Variants in RALGAPB observed in about 807,000 individuals in gnomAD.
The protein encoded by RALGAPB is Ral GTPase activating protein non-catalytic subunit beta, also known as ral GTPase-activating protein subunit beta.
A neutral mutation model predicts 161.1 loss-of-function variants in RALGAPB; 25 were observed. That is an observed-to-expected ratio of 0.16 (90% CI 0.11 to 0.22). The LOEUF (loss-of-function observed/expected upper bound fraction) is 0.22, where lower values mean the gene tolerates loss of function less well. Among genes scored for constraint, RALGAPB ranks in the 10% least tolerant of loss-of-function variants. The pLI, the probability that RALGAPB is intolerant of heterozygous loss-of-function variation, is 1.00. For missense variants in RALGAPB, 1,391 were observed against 1,815.2 expected (o/e 0.77, Z 4.25); for synonymous variants, 629 against 626.1 (o/e 1.00, Z -0.07).
intron 1 of RALGAPB, among the ~76,000 whole-genome samples, chr20:38,475,372 G>T (rs767301941): frequency 6.6e-6 from 1 of 152,180 alleles, no homozygotes; most frequent in Non-Finnish European, 1.5e-5. Flanking sequence ...ATTGCAGAAT[G>T]CCTGAACTGC....
chr20:38,552,264 C>A (rs968079825), intron 21 of RALGAPB, among the ~76,000 whole-genome samples: 1 of 151,888 alleles, frequency 6.6e-6, no homozygotes. Flanking sequence ...CCTCAGCCTC[C>A]CAAGTAGCTG....
intron 20 of RALGAPB, 100 bp downstream of exon 20, chr20:38,548,895 C>A (rs894257548): frequency 7.5e-5 from 76 of 1,017,872 alleles, no homozygotes; most frequent in Non-Finnish European, 1.1e-4. Flanking sequence ...TATTTTTGAT[C>A]CCTAGCCAGA....
At chr20:38,549,690 T>G (rs1006178816) in intron 20 of RALGAPB, among the ~76,000 whole-genome samples, 3 of 152,020 alleles carry the variant, frequency 2.0e-5, no homozygotes, top group Admixed American at 6.6e-5. Flanking sequence ...ACTTGAGAAG[T>G]TGGAAAAATT....
chr20:38,516,173 C>G lies in RALGAPB; in HGVS notation c.873-19C>G, dbSNP rs769519616. ...GAAATTTCTAAATTTGTGATTAATT[C>G]TTTCCTCTCTTTTAATAGTAATCCT... is the stretch of plus-strand genomic sequence containing the variant. On this transcript the variant is annotated intron_variant, in intron 6 of 29. Transcript: ENST00000262879. The G allele has an allele frequency of 3.3e-6, 5 of 1,530,346 alleles. No homozygotes were observed. Among genetic ancestry groups the G allele is most frequent in the Non-Finnish European group, 4.4e-6 (5 of 1,127,178 alleles). 94.8% of individuals were successfully genotyped at this position (1,530,346 alleles called of 1,614,324 possible).
At chr20:38,532,651 A>G (rs926086907) in intron 14 of RALGAPB, 79 bp from the exon 15 acceptor site, 309 of 1,534,362 alleles carry the variant, frequency 2.0e-4, no homozygotes, top group Non-Finnish European at 2.5e-4. Context: ...CTTTATCAAC[A>G]TGGTTTTTAA....
In RALGAPB at chr20:38,526,038, A is replaced by G. The variant is rs2086455767; in HGVS notation, c.2046A>G (p.Ile682Met). 6.2e-7 allele frequency: 1 copy of G among 1,613,832 alleles called. No individual in the cohort carries two copies. Among genetic ancestry groups the G allele is most frequent in the Non-Finnish European group, 8.5e-7 (1 of 1,179,880 alleles). Reference protein sequence around the residue: ...TETDPNNTQMILGAMLNIVQD... With the variant: ...TETDPNNTQMMLGAMLNIVQD... ...CGGACCCCAACAACACCCAAATGATATTAGGTTTGTATTCACACGTTATTT... is the reference window on the plus strand; with the variant it reads ...CGGACCCCAACAACACCCAAATGATGTTAGGTTTGTATTCACACGTTATTT... Residue 682 changes from isoleucine to methionine, a missense_variant, in exon 13 of 30, where the codon ATA becomes ATG. By Grantham distance (10) the Ile-to-Met change is conservative. This residue lies in a region of RALGAPB where 946 missense variants were observed against 1,257.2 expected (regional missense o/e 0.75). Coordinates refer to ENST00000262879, the MANE Select transcript of RALGAPB (RefSeq NM_020336.4).
intron 29 of RALGAPB, among the ~76,000 whole-genome samples, 164 bp from the exon 30 acceptor site, chr20:38,574,610 G>C (rs1408891461): frequency 6.6e-6 from 1 of 152,144 alleles, no homozygotes; most frequent in Non-Finnish European, 1.5e-5. Flanking sequence ...TGTTTCTTCT[G>C]ACAGTTTTAT....
chr20:38,489,651 A>G (rs568599046), intron 2 of RALGAPB, among the ~76,000 whole-genome samples: 22 of 152,232 alleles, frequency 1.4e-4, no homozygotes, highest in African/African-American at 5.3e-4. Context: ...CCTGTACCCT[A>G]TTTCTCAGAC....
intron 15 of RALGAPB, 60 bp from the exon 16 acceptor site, chr20:38,535,014 G>A (rs897526229): frequency 4.5e-6 from 7 of 1,563,696 alleles, no homozygotes; most frequent in East Asian, 2.2e-5. Flanking sequence ...TGTGCTTCTC[G>A]TTACTAATGC....
At chr20:38,555,854 T>C (rs562990770) in intron 22 of RALGAPB, among the ~76,000 whole-genome samples, 2 of 152,294 alleles carry the variant, frequency 1.3e-5, no homozygotes, top group African/African-American at 4.8e-5. Flanking sequence ...GTTTTACTTA[T>C]GAATGTATGT....
At chr20:38,506,720 C>G (rs192437859) in intron 5 of RALGAPB, among the ~76,000 whole-genome samples, 1 of 152,110 alleles carries the variant, frequency 6.6e-6, no homozygotes, top group Admixed American at 6.5e-5. Context: ...GCTGTATTTC[C>G]TATAAACTGG....
intron 19 of RALGAPB, chr20:38,548,058 T>C (rs982301738): frequency 2.0e-5 from 3 of 152,128 alleles, no homozygotes; most frequent in Non-Finnish European, 4.4e-5. Context: ...AATAAGAAAT[T>C]ATAGAGAAGT....
chr20:38,546,480 A>T (rs750643046), intron 19 of RALGAPB, 50 bp downstream of exon 19: 1 of 1,602,310 alleles, frequency 6.2e-7, no homozygotes, highest in African/African-American at 1.3e-5. Flanking sequence ...CAGTGTTACC[A>T]GTACCATGAA....
At chr20:38,516,582 G>A in intron 7 of RALGAPB, 1 of 501,790 alleles carries the variant, frequency 2.0e-6, no homozygotes, top group Non-Finnish European at 3.3e-6. Flanking sequence ...AGTAATTGCG[G>A]TTTTTGCCAT....
intron 20 of RALGAPB, 22 bp downstream of exon 20, chr20:38,548,817 GA>G (rs772555838): frequency 1.3e-6 from 2 of 1,553,758 alleles, no homozygotes; most frequent in Admixed American, 3.3e-5. Flanking sequence ...AAGTTACAGG[GA>G]AGTGTGTGTG....
intron 26 of RALGAPB, chr20:38,568,742 C>A (rs1013149811): frequency 3.3e-5 from 5 of 152,152 alleles, no homozygotes; most frequent in Admixed American, 3.3e-4. Flanking sequence ...CCCCCAGCGA[C>A]GTTTGCCTGT....
At chr20:38,534,842 A>G (rs2086755310) in intron 15 of RALGAPB, among the ~76,000 whole-genome samples, 1 of 152,244 alleles carries the variant, frequency 6.6e-6, no homozygotes, top group Admixed American at 6.5e-5. Context: ...CGGTTGTGTC[A>G]AAGTGCGTGA....
intron 2 of RALGAPB, among the ~76,000 whole-genome samples, chr20:38,492,583 A>G (rs2085311756): frequency 6.6e-6 from 1 of 151,954 alleles, no homozygotes; most frequent in Admixed American, 6.6e-5. Context: ...TGGAGAAAAA[A>G]CTCTAAAATG....
Position 38,535,099 on chromosome 20 carries a change from G to C in RALGAPB, c.2271G>C (p.Gly757=), listed in dbSNP as rs1209593236. The stretch of plus-strand genomic sequence containing the variant: ...CTCTTAATACAGATTCAGCTGCTGG[G>C]CTCCTGATTCGCAGCATTCATCTCG... The part of the protein sequence containing the change: ...DYALNTDSAA[G]LLIRSIHLVT... Residue 757 remains glycine (G), a synonymous_variant, in exon 16 of 30, where the codon GGG becomes GGC. Transcript: ENST00000262879. The C allele has an allele frequency of 6.2e-7, 1 of 1,613,896 alleles. No homozygotes were observed. The highest frequency in any genetic ancestry group is 8.5e-7 in the Non-Finnish European group (1 of 1,179,894).
Sources: allele counts gnomAD v4.1 joint callset (sites outside exome capture counted in the v4.1 genomes callset), GRCh38; gene constraint gnomAD v4.1.1; regional missense constraint gnomAD v4.1.1; transcripts MANE v1.5; gene names NCBI Gene and HGNC (gene_info 2026-07-23, HGNC 2026-07-21).